POLA1: variants seen among roughly 807,000 people sequenced by gnomAD.
The protein encoded by POLA1 is DNA polymerase alpha catalytic subunit.
POLA1 carries 15 observed loss-of-function variants against 124.0 expected under a neutral mutation model. That is an observed-to-expected ratio of 0.12 (90% confidence interval 0.08 to 0.19). The LOEUF (loss-of-function observed/expected upper bound fraction) is 0.19, where lower values mean the gene tolerates loss of function less well. Among genes scored for constraint, POLA1 ranks in the 10% least tolerant of loss-of-function variants. POLA1 has a pLI of 1.00. For missense variants in POLA1, 886 were observed against 1,103.4 expected, an observed-to-expected ratio of 0.80 and a Z score of 2.79; for synonymous variants, 408 against 389.4, an observed-to-expected ratio of 1.05 and a Z score of -0.56.
At chrX:24,824,265 T>A (rs2147018196) in intron 31 of POLA1, among the ~76,000 whole-genome samples, 1 of 110,659 alleles carries the variant, frequency 9.0e-6, no homozygotes, top group South Asian at 3.9e-4. Flanking sequence ...CTGCTCAGGT[T>A]TGAGAATGAA....
chrX:24,882,557 G>C (rs1190339114), intron 34 of POLA1, among the ~76,000 whole-genome samples: 1 of 111,327 alleles, frequency 9.0e-6, no homozygotes, highest in Non-Finnish European at 1.9e-5. Context: ...TTATAAGTGA[G>C]AACATGTGGT....
intron 35 of POLA1, among the ~76,000 whole-genome samples, chrX:24,926,436 G>A (rs1430123309): frequency 4.5e-5 from 5 of 111,403 alleles, no homozygotes; most frequent in Non-Finnish European, 5.7e-5. Context: ...CCTAGTATTT[G>A]TGTACTTCTT....
chrX:24,821,144 T>G (rs1001419781), intron 30 of POLA1, among the ~76,000 whole-genome samples: 6 of 112,112 alleles, frequency 5.4e-5, no homozygotes, highest in African/African-American at 1.9e-4. Context: ...TTGCACACAT[T>G]AAGACTGCAT....
intron 36 of POLA1, among the ~76,000 whole-genome samples, chrX:24,939,931 A>G (rs747372805): frequency 4.5e-5 from 5 of 112,169 alleles, no homozygotes; most frequent in Non-Finnish European, 9.4e-5. Context: ...AAGGTCTTCT[A>G]TAATTCTGTA....
At chrX:24,832,286 C>A (rs1406254360) in intron 32 of POLA1, among the ~76,000 whole-genome samples, 1 of 111,227 alleles carries the variant, frequency 9.0e-6, no homozygotes, top group Admixed American at 9.6e-5. Context: ...CAGCCACCCC[C>A]AAAGCACTTT....
chrX:24,779,117 C>T (rs1228833521), intron 26 of POLA1, among the ~76,000 whole-genome samples: 1 of 109,216 alleles, frequency 9.2e-6, no homozygotes, highest in African/African-American at 3.3e-5. Context: ...TCACTCTTAT[C>T]ACCCAGGCTG....
chrX:24,938,507 A>G (rs1350708325), intron 36 of POLA1, among the ~76,000 whole-genome samples: 1 of 112,430 alleles, frequency 8.9e-6, no homozygotes, highest in African/African-American at 3.2e-5. Context: ...CTATCACTAC[A>G]TTCTGGACCT....
intron 26 of POLA1, among the ~76,000 whole-genome samples, chrX:24,784,172 C>T (rs2045321213): frequency 1.9e-5 from 2 of 103,532 alleles, no homozygotes; most frequent in African/African-American, 7.1e-5. Context: ...CCTGCCTCAG[C>T]TTCCTGAGTA....
intron 23 of POLA1, among the ~76,000 whole-genome samples, chrX:24,744,906 T>A (rs1176010160): frequency 5.9e-5 from 6 of 102,028 alleles, no homozygotes; most frequent in Non-Finnish European, 1.2e-4. Flanking sequence ...GAGCTGAGAT[T>A]GCGCCATGGC....
intron 34 of POLA1, among the ~76,000 whole-genome samples, chrX:24,887,803 T>G (rs1343656334): frequency 1.8e-5 from 2 of 110,645 alleles, no homozygotes; most frequent in Non-Finnish European, 3.8e-5. Context: ...CTTTTTTTTT[T>G]TTTTAACTTA....
intron 32 of POLA1, among the ~76,000 whole-genome samples, chrX:24,836,685 C>T (rs1270448831): frequency 9.0e-6 from 1 of 111,607 alleles, no homozygotes; most frequent in Non-Finnish European, 1.9e-5. Flanking sequence ...GTCCTGTTGG[C>T]TTTTCTTTTT....
rs146733808 is a variant in POLA1, at chrX:24,699,469, G to GA, written c.96dup (p.Ser33IlefsTer16). The stretch of plus-strand genomic sequence containing the variant: ...TTTTGTATCTTCTCGAGCCCGGCGA[G>GA]AAAAAAAATCAAAGAAGGGGCGCCA... On this transcript the variant is annotated frameshift_variant, in exon 2 of 37. Coordinates refer to ENST00000379068, the MANE Select transcript of POLA1 (RefSeq NM_001330360.2). LOFTEE classifies it high-confidence loss of function. 6 of 1,181,099 alleles carry GA rather than the reference G, an allele frequency of 5.1e-6. No individual in the cohort carries two copies. Among genetic ancestry groups the GA allele is most frequent in the African/African-American group, 3.5e-5 (2 of 56,737 alleles).
intron 26 of POLA1, among the ~76,000 whole-genome samples, chrX:24,777,585 C>T (rs1351377893): frequency 8.9e-6 from 1 of 112,367 alleles, no homozygotes; most frequent in African/African-American, 3.2e-5. Flanking sequence ...TGCAGGTGCA[C>T]ACAACACAGG....
rs1470801875 is a variant in POLA1 at position 24,717,373 on chromosome X, A to G, written c.790A>G (p.Met264Val). The change falls in exon 9 of 37, where the codon ATG (methionine) becomes GTG (valine). Residue 264 changes from methionine to valine, a missense_variant. This residue lies in a region of POLA1 where 337 missense variants were observed against 402.8 expected (regional missense o/e 0.84). Coordinates refer to ENST00000379068, the MANE Select transcript of POLA1 (RefSeq NM_001330360.2). ...EFEDGDFDEP[M>V]EVEEVDLEPM... ...TGAAGATGGTGACTTTGATGAGCCC[A>G]TGGAAGTTGAAGAGGTGGACCTGGA... The G allele has an allele frequency of 8.3e-7, 1 of 1,209,344 alleles. No individual in the cohort carries two copies. The highest frequency in any genetic ancestry group is 1.7e-5 in the African/African-American group (1 of 57,735).
At chrX:24,921,892 T>TTGTGTGTGTGTGTGTGTGTG (rs755172411) in intron 35 of POLA1, among the ~76,000 whole-genome samples, 1,394 of 105,695 alleles carry the variant, frequency 0.013, 42 homozygotes, top group African/African-American at 0.05. Flanking sequence ...GTTTTGCCTT[T>TTGTGTGTGTGTGTGTGTGTG]TGTGTGTGTG....
intron 36 of POLA1, among the ~76,000 whole-genome samples, chrX:24,936,101 GTAGTTACAC>G (rs2047845497): frequency 8.9e-6 from 1 of 112,525 alleles, no homozygotes; most frequent in Admixed American, 9.4e-5. Context: ...CATCAGCTAA[GTAGTTACAC>G]TCATGAAGTG....
At chrX:24,916,270 CT>C (rs748618709) in intron 35 of POLA1, among the ~76,000 whole-genome samples, 1 of 100,758 alleles carries the variant, frequency 9.9e-6, no homozygotes, top group Non-Finnish European at 2.0e-5. Context: ...AACCTGAGAA[CT>C]TTTTTTTTCT....
chrX:24,851,873 T>C (rs2046566711), intron 34 of POLA1, among the ~76,000 whole-genome samples: 1 of 112,823 alleles, frequency 8.9e-6, no homozygotes, highest in Admixed American at 9.3e-5. Flanking sequence ...ACAGATTTCA[T>C]TTAACCTTTC....
intron 32 of POLA1, among the ~76,000 whole-genome samples, chrX:24,841,009 A>G (rs1349646237): frequency 8.9e-6 from 1 of 112,425 alleles, no homozygotes; most frequent in African/African-American, 3.2e-5. Flanking sequence ...TATGGAAGGT[A>G]TATTTGGTTT....
Sources: gnomAD v4.1 joint callset for allele counts (sites outside exome capture counted in the v4.1 genomes callset) on GRCh38, gnomAD v4.1.1 for gene constraint, gnomAD v4.1.1 regional missense constraint, MANE v1.5 for transcripts, NCBI Gene and HGNC (gene_info 2026-07-23, HGNC 2026-07-21) for gene names.